The following FAM227B variants were observed in gnomAD, a reference collection of about 807,000 sequenced individuals.
FAM227B encodes family with sequence similarity 227 member B, also known as protein FAM227B.
FAM227B carries 88 observed loss-of-function variants against 73.8 expected under a neutral mutation model. That is an observed-to-expected ratio of 1.19 (90% confidence interval 1.00 to 1.42). The LOEUF is 1.42. Ranked by LOEUF, FAM227B falls within the 40% of genes most tolerant of loss-of-function variation. The probability of loss-of-function intolerance (pLI) is 0.00; values close to 1 mark genes in which losing one functional copy is unlikely to be tolerated. For synonymous variants in FAM227B, 210 were observed against 190.5 expected, an observed-to-expected ratio of 1.10 and a Z score of -0.84; for missense variants, 632 against 590.9, an observed-to-expected ratio of 1.07 and a Z score of -0.72.
intron 8 of FAM227B, among the ~76,000 whole-genome samples, chr15:49,568,969 T>A (rs2074880784): frequency 6.6e-6 from 1 of 151,968 alleles, no homozygotes. Flanking sequence ...TTATTCTTCT[T>A]TAAATGTTGG....
chr15:49,340,561 T>C (rs2040563750), intron 13 of FAM227B, among the ~76,000 whole-genome samples: 1 of 152,174 alleles, frequency 6.6e-6, no homozygotes, highest in East Asian at 1.9e-4. Context: ...GCGCTTTTCC[T>C]ATTAGGCCAT....
intron 8 of FAM227B, among the ~76,000 whole-genome samples, chr15:49,573,666 C>T (rs2152368952): frequency 6.6e-6 from 1 of 152,306 alleles, no homozygotes; most frequent in South Asian, 2.1e-4. Context: ...GTCCCTCTAT[C>T]TTGGACTTCC....
At chr15:49,546,714 G>C (rs1164877079) in intron 9 of FAM227B, among the ~76,000 whole-genome samples, 2 of 151,296 alleles carry the variant, frequency 1.3e-5, no homozygotes, top group Admixed American at 6.6e-5. Flanking sequence ...GGCCAGTGAT[G>C]ATGAGCAGAG....
chr15:49,489,860 T>TTATATATATATATATATTTTA (rs2056865834), intron 11 of FAM227B, among the ~76,000 whole-genome samples: 7 of 6,802 alleles, frequency 1.0e-3, no homozygotes, highest in South Asian at 5.4e-3. Context: ...TATATATATT[T>TTATATATATATATATATTTTA]TATATATATA....
intron 11 of FAM227B, among the ~76,000 whole-genome samples, chr15:49,375,529 A>G (rs1044339319): frequency 6.6e-5 from 10 of 152,114 alleles, no homozygotes; most frequent in African/African-American, 1.9e-4. Flanking sequence ...AACCAAAGTG[A>G]CAAGTATCTG....
intron 14 of FAM227B, among the ~76,000 whole-genome samples, chr15:49,332,087 CCACACA>C (rs377139081): frequency 0.086 from 10,981 of 127,936 alleles, 520 homozygotes; most frequent in South Asian, 0.18. Context: ...TGCACACGTG[CCACACA>C]CACACACACA....
intron 11 of FAM227B, among the ~76,000 whole-genome samples, chr15:49,507,005 G>A (rs773474293): frequency 1.3e-5 from 2 of 152,030 alleles, no homozygotes; most frequent in Non-Finnish European, 2.9e-5. Flanking sequence ...ATGTGAGGGT[G>A]AGAAGTCAAA....
At chr15:49,523,569 A>G (rs990884699) in intron 10 of FAM227B, among the ~76,000 whole-genome samples, 1 of 152,186 alleles carries the variant, frequency 6.6e-6, no homozygotes, top group African/African-American at 2.4e-5. Flanking sequence ...AATTCAGTAA[A>G]TTGGTACCGG....
At chr15:49,390,896 C>T (rs918405678) in intron 11 of FAM227B, among the ~76,000 whole-genome samples, 2 of 151,936 alleles carry the variant, frequency 1.3e-5, no homozygotes, top group African/African-American at 4.8e-5. Flanking sequence ...TTGAAACAGC[C>T]TAACAACCGA....
intron 11 of FAM227B, among the ~76,000 whole-genome samples, chr15:49,435,809 C>T (rs78990608): frequency 0.023 from 3,510 of 151,604 alleles, 85 homozygotes; most frequent in South Asian, 0.13. Flanking sequence ...CCACTAAAAT[C>T]ACTGCACTGT....
intron 3 of FAM227B, among the ~76,000 whole-genome samples, chr15:49,610,988 A>AT (rs2077873610): frequency 6.6e-6 from 1 of 152,198 alleles, no homozygotes; most frequent in Non-Finnish European, 1.5e-5. Flanking sequence ...AAATGTCTGT[A>AT]TAGGGCTAGA....
At chr15:49,516,346 A>C (rs932288461) in intron 10 of FAM227B, among the ~76,000 whole-genome samples, 1 of 151,964 alleles carries the variant, frequency 6.6e-6, no homozygotes, top group African/African-American at 2.4e-5. Flanking sequence ...AATTCACTAA[A>C]AATTTCTGCT....
chr15:49,520,343 T>A (rs148554015), intron 10 of FAM227B, among the ~76,000 whole-genome samples: 1 of 150,658 alleles, frequency 6.6e-6, no homozygotes, highest in Non-Finnish European at 1.5e-5. Context: ...CTTTTCCACA[T>A]GTTTATGTTT....
intron 11 of FAM227B, among the ~76,000 whole-genome samples, chr15:49,466,194 T>A (rs1207294012): frequency 6.6e-6 from 1 of 152,190 alleles, no homozygotes; most frequent in Non-Finnish European, 1.5e-5. Flanking sequence ...TTATCAAGCT[T>A]CACCTCAGAC....
In FAM227B at chr15:49,464,438, G is replaced by A. The variant is rs1035929652; in HGVS notation, c.1012+43773C>T. On this transcript the variant is annotated intron_variant, in intron 11 of 15. Transcript: ENST00000299338. Reference sequence around the variant, plus strand: ...ATAAATGATCTAAAAGTATGTACGTGTAGTGAAAATTCTAAGTTTGTAGGT... The same window carrying A: ...ATAAATGATCTAAAAGTATGTACGTATAGTGAAAATTCTAAGTTTGTAGGT... Among the ~76,000 whole-genome samples the A allele has an allele frequency of 5.9e-5, 9 of 152,144 alleles. 1 individual carries two copies. The highest frequency in any genetic ancestry group is 5.9e-4 in the Admixed American group (9 of 15,286).
At chr15:49,382,119 G>T (rs905347137) in intron 11 of FAM227B, among the ~76,000 whole-genome samples, 9 of 151,968 alleles carry the variant, frequency 5.9e-5, no homozygotes, top group African/African-American at 2.2e-4. Context: ...GTTTGGTGGG[G>T]AGGGGAACAG....
At chr15:49,433,337 A>T (rs948712927) in intron 11 of FAM227B, among the ~76,000 whole-genome samples, 2 of 150,838 alleles carry the variant, frequency 1.3e-5, no homozygotes, top group African/African-American at 4.9e-5. Context: ...CTTACTTTTT[A>T]TTTTTTTTAA....
chr15:49,336,525 A>G (rs1287918005), intron 13 of FAM227B, among the ~76,000 whole-genome samples: 1 of 152,222 alleles, frequency 6.6e-6, no homozygotes. Flanking sequence ...CCCCACTCCC[A>G]TTGTGAAACA....
intron 9 of FAM227B, among the ~76,000 whole-genome samples, chr15:49,550,930 C>T (rs1471946724): frequency 1.3e-5 from 2 of 152,122 alleles, no homozygotes; most frequent in East Asian, 1.9e-4. Flanking sequence ...CCAAGGCAGG[C>T]GGCTGGGAGG....
Sources: allele counts gnomAD v4.1 joint callset (sites outside exome capture counted in the v4.1 genomes callset), GRCh38; gene constraint gnomAD v4.1.1; transcripts MANE v1.5; gene names NCBI Gene and HGNC (gene_info 2026-07-23, HGNC 2026-07-21).